PDE12: variants seen among roughly 807,000 people sequenced by gnomAD.
The protein encoded by PDE12 is phosphodiesterase 12.
In PDE12, 26 loss-of-function variants were observed where a neutral mutation model predicts 45.4. The ratio of observed to expected loss-of-function variants is 0.57; its 90% CI spans 0.42 to 0.79. The LOEUF (loss-of-function observed/expected upper bound fraction) is 0.79. PDE12 is among the 30% of genes least tolerant of loss of function. The probability of loss-of-function intolerance (pLI) is 0.00; values close to 1 mark genes in which losing one functional copy is unlikely to be tolerated. For missense variants in PDE12, 668 were observed against 790.0 expected (o/e 0.85, Z 1.85); for synonymous variants, 283 against 323.9 (o/e 0.87, Z 1.36).
the PDE12 span, among the ~76,000 whole-genome samples, chr3:57,650,645 A>G: frequency 1.3e-5 from 2 of 152,164 alleles, no homozygotes; most frequent in Non-Finnish European, 2.9e-5. Context: ...CTGGAACCCA[A>G]GAGAATGGAA....
At chr3:57,632,776 T>G in the PDE12 span, among the ~76,000 whole-genome samples, 2 of 152,180 alleles carry the variant, frequency 1.3e-5, no homozygotes, top group African/African-American at 4.8e-5. Context: ...ATTTATTCCA[T>G]AAATATTTGA....
chr3:57,572,179 C>T, the PDE12 span: 1 of 1,568,632 alleles, frequency 6.4e-7, no homozygotes. Context: ...CCAATTTTAT[C>T]AAACATGTCC....
the PDE12 span, among the ~76,000 whole-genome samples, chr3:57,650,015 C>T: frequency 6.6e-6 from 1 of 151,728 alleles, no homozygotes; most frequent in Admixed American, 6.6e-5. Flanking sequence ...AATTGGAGAC[C>T]ATTATTCTAA....
the PDE12 span, among the ~76,000 whole-genome samples, chr3:57,591,276 G>C: frequency 6.6e-6 from 1 of 151,930 alleles, no homozygotes; most frequent in Non-Finnish European, 1.5e-5. Context: ...TGAAGAGCTA[G>C]AAAGTGAAAA....
At chr3:57,602,044 C>T in the PDE12 span, among the ~76,000 whole-genome samples, 2 of 151,934 alleles carry the variant, frequency 1.3e-5, no homozygotes, top group Non-Finnish European at 2.9e-5. Context: ...TGTGAGCCAC[C>T]ATGCATGGCC....
chr3:57,572,696 C>T, the PDE12 span, among the ~76,000 whole-genome samples: 2 of 151,838 alleles, frequency 1.3e-5, no homozygotes, highest in South Asian at 2.1e-4. Context: ...GCTACTTCTA[C>T]CTATTCATTA....
chr3:57,585,570 C>T, the PDE12 span, among the ~76,000 whole-genome samples: 1 of 151,806 alleles, frequency 6.6e-6, no homozygotes, highest in Non-Finnish European at 1.5e-5. Context: ...ACATATGTAA[C>T]AAACCTGCAC....
chr3:57,560,605 C>T lies in PDE12; in HGVS notation c.*601C>T, dbSNP rs886407666. 47 of 976,032 alleles carry T rather than the reference C, an allele frequency of 4.8e-5. No homozygotes were observed. The African/African-American group carries it at 5.8e-4, about 12-fold the overall frequency. The allele number at this position is 976,032 out of a possible 1,614,324, so 60.5% of individuals were successfully genotyped here. On this transcript the variant is annotated 3_prime_UTR_variant, in exon 3 of 3. Coordinates refer to ENST00000311180, the MANE Select transcript of PDE12 (RefSeq NM_177966.7). The stretch of plus-strand genomic sequence containing the variant: ...CCTCCCAAAGTGTTGGGATTACAGG[C>T]GTGAGCCACCGCACCCGGCCCTTGT...
At chr3:57,644,250 A>G in the PDE12 span, among the ~76,000 whole-genome samples, 6 of 152,138 alleles carry the variant, frequency 3.9e-5, no homozygotes, top group African/African-American at 1.2e-4. Flanking sequence ...AGAAGTCTGC[A>G]AAGAAGATTG....
the PDE12 span, among the ~76,000 whole-genome samples, chr3:57,582,247 A>ATT: frequency 6.9e-6 from 1 of 144,500 alleles, no homozygotes; most frequent in Non-Finnish European, 1.5e-5. Context: ...ACATTCTACT[A>ATT]TTTTTTTTTT....
the PDE12 span, among the ~76,000 whole-genome samples, chr3:57,647,474 T>C: frequency 1.3e-5 from 2 of 152,100 alleles, no homozygotes; most frequent in South Asian, 2.1e-4. Flanking sequence ...TACATGCAGA[T>C]AGTGGCCTAC....
chr3:57,580,052 C>T, the PDE12 span, among the ~76,000 whole-genome samples: 1 of 152,050 alleles, frequency 6.6e-6, no homozygotes, highest in African/African-American at 2.4e-5. Flanking sequence ...CTACAGTGAG[C>T]CATGATCATG....
chr3:57,559,662 C>G lies in PDE12; in HGVS notation c.1488C>G (p.Asp496Glu). The G allele has an allele frequency of 6.2e-7, 1 of 1,614,132 alleles. No individual in the cohort carries two copies. The highest frequency in any genetic ancestry group is 8.5e-7 in the Non-Finnish European group (1 of 1,180,026). Reference protein sequence around the residue: ...YPGIPVIFCGDFNSTPSTGMY... With the variant: ...YPGIPVIFCGEFNSTPSTGMY... ...GCATACCAGTTATATTTTGTGGGGA[C>G]TTTAATAGTACACCATCAACAGGAA... The change falls in exon 3 of 3, where the codon GAC becomes GAG. Residue 496 changes from aspartate (D) to glutamate (E), a missense_variant. Physicochemically the swap from Asp to Glu is conservative, Grantham distance 45. Transcript: ENST00000311180.
chr3:57,628,357 A>G, the PDE12 span: 1 of 1,610,214 alleles, frequency 6.2e-7, no homozygotes, highest in Non-Finnish European at 8.5e-7. Context: ...TACATAAGGA[A>G]CATTTCATAA....
At chr3:57,583,576 G>T in the PDE12 span, among the ~76,000 whole-genome samples, 1 of 152,154 alleles carries the variant, frequency 6.6e-6, no homozygotes, top group Non-Finnish European at 1.5e-5. Flanking sequence ...AAACTACAAT[G>T]ACAGTTTATA....
At chr3:57,630,468 T>C in the PDE12 span, 2 of 1,596,888 alleles carry the variant, frequency 1.3e-6, no homozygotes, top group Non-Finnish European at 1.7e-6. Context: ...TTTTGGGTCA[T>C]TTCCTTCCTC....
the PDE12 span, among the ~76,000 whole-genome samples, chr3:57,576,186 T>C: frequency 6.6e-6 from 1 of 152,252 alleles, no homozygotes; most frequent in South Asian, 2.1e-4. Context: ...CATGATGCAA[T>C]ATAGACGAAC....
chr3:57,642,467 T>A, the PDE12 span, among the ~76,000 whole-genome samples: 1 of 150,332 alleles, frequency 6.7e-6, no homozygotes, highest in Non-Finnish European at 1.5e-5. Flanking sequence ...GAGGGAAGAG[T>A]GATGCAGAAC....
Position 57,561,443 on chromosome 3 carries a change from T to C in PDE12, c.*1439T>C, listed in dbSNP as rs771003720. The C allele has an allele frequency of 6.2e-6, 6 of 973,724 alleles. No individual in the cohort carries two copies. Among genetic ancestry groups the C allele is most frequent in the Non-Finnish European group, 7.3e-6 (6 of 819,032 alleles). The allele number at this position is 973,724 out of a possible 1,614,324, so 60.3% of individuals were successfully genotyped here. A position where few individuals can be genotyped will look rare whatever the true frequency, so the allele number is the denominator to read the frequency against. On this transcript the variant is annotated 3_prime_UTR_variant, in exon 3 of 3. Coordinates refer to ENST00000311180, the MANE Select transcript of PDE12 (RefSeq NM_177966.7). ...TATATGTAATATATATATAGTAAAA[T>C]GAAATTTAAATATGAAGCCAAACTT...
Sources: gnomAD v4.1 joint callset for allele counts (sites outside exome capture counted in the v4.1 genomes callset) on GRCh38, gnomAD v4.1.1 for gene constraint, MANE v1.5 for transcripts, NCBI Gene and HGNC (gene_info 2026-07-23, HGNC 2026-07-21) for gene names.